Variants in FAAH2 observed in about 807,000 individuals in gnomAD.
FAAH2 encodes fatty acid amide hydrolase 2.
FAAH2 carries 60 observed loss-of-function variants against 36.9 expected under a neutral mutation model. The ratio of observed to expected loss-of-function variants is 1.63; its 90% CI spans 1.32 to 2.02. The LOEUF (loss-of-function observed/expected upper bound fraction) is 2.02, where lower values mean the gene tolerates loss of function less well. FAAH2 is among the 30% of genes most tolerant of loss of function. FAAH2 has a pLI of 0.00. For synonymous variants in FAAH2, 214 were observed against 143.8 expected, an observed-to-expected ratio of 1.49 and a Z score of -3.49; for missense variants, 689 against 397.5, an observed-to-expected ratio of 1.73 and a Z score of -6.23.
intron 8 of FAAH2, among the ~76,000 whole-genome samples, chrX:57,443,297 G>A (rs544710279): frequency 1.8e-5 from 2 of 111,524 alleles, no homozygotes; most frequent in Non-Finnish European, 3.8e-5. Context: ...TTTCTTGGAG[G>A]CTTTGTTCAT....
At chrX:57,242,877 C>A in the FAAH2 span, among the ~76,000 whole-genome samples, 1 of 111,811 alleles carries the variant, frequency 8.9e-6, no homozygotes, top group East Asian at 2.8e-4. Context: ...CTTTTCGTAA[C>A]CTAGTGACGC....
intron 8 of FAAH2, among the ~76,000 whole-genome samples, chrX:57,436,353 G>T (rs75011232): frequency 4.4e-4 from 47 of 107,968 alleles, no homozygotes; most frequent in African/African-American, 1.5e-3. Flanking sequence ...AGAAGAAAAT[G>T]AGTTAAAAAA....
intron 10 of FAAH2, among the ~76,000 whole-genome samples, chrX:57,477,568 C>T (rs895340366): frequency 9.0e-6 from 1 of 110,722 alleles, no homozygotes; most frequent in African/African-American, 3.3e-5. Context: ...TATACATTTG[C>T]CATGTTGGTG....
intron 7 of FAAH2, chrX:57,394,360 G>T (rs1236682049): frequency 8.5e-7 from 1 of 1,182,016 alleles, no homozygotes; most frequent in South Asian, 1.8e-5. Flanking sequence ...GGTGCTTCAG[G>T]CGTTCTAGTG....
intron 8 of FAAH2, among the ~76,000 whole-genome samples, 167 bp from the exon 9 acceptor site, chrX:57,446,761 G>A: frequency 8.9e-6 from 1 of 111,742 alleles, no homozygotes; most frequent in East Asian, 2.8e-4. Flanking sequence ...CACTTACTTT[G>A]TGTGACTGAG....
intron 10 of FAAH2, among the ~76,000 whole-genome samples, chrX:57,461,004 A>T (rs2056948254): frequency 9.0e-6 from 1 of 111,392 alleles, no homozygotes; most frequent in African/African-American, 3.3e-5. Context: ...TTTCAATCCT[A>T]GTCTCTGATA....
intron 3 of FAAH2, among the ~76,000 whole-genome samples, chrX:57,327,090 C>T (rs994951067): frequency 9.2e-6 from 1 of 108,528 alleles, no homozygotes; most frequent in Non-Finnish European, 1.9e-5. Flanking sequence ...ATTTCTCCTG[C>T]ACTTATGAAG....
the FAAH2 span, among the ~76,000 whole-genome samples, chrX:57,162,816 G>A: frequency 4.0e-4 from 45 of 112,005 alleles, no homozygotes; most frequent in African/African-American, 1.2e-3. Flanking sequence ...ATGTCCTCCC[G>A]TAGCTCAGAG....
At chrX:57,157,946 C>A in the FAAH2 span, among the ~76,000 whole-genome samples, 1 of 109,893 alleles carries the variant, frequency 9.1e-6, no homozygotes, top group African/African-American at 3.3e-5. Flanking sequence ...TGTGCTGCAC[C>A]CATTAACTCA....
chrX:57,427,890 G>A (rs1351319408), intron 7 of FAAH2, among the ~76,000 whole-genome samples: 1 of 111,376 alleles, frequency 9.0e-6, no homozygotes, highest in Non-Finnish European at 1.9e-5. Context: ...CGTAATACTG[G>A]CAATTGTAGC....
intron 5 of FAAH2, among the ~76,000 whole-genome samples, chrX:57,343,665 A>G (rs773537838): frequency 9.0e-6 from 1 of 111,345 alleles, no homozygotes; most frequent in Non-Finnish European, 1.9e-5. Context: ...TTGCTTTTGG[A>G]GACTTAGCCA....
the FAAH2 span, among the ~76,000 whole-genome samples, chrX:57,142,460 G>A: frequency 8.9e-6 from 1 of 112,073 alleles, no homozygotes; most frequent in Non-Finnish European, 1.9e-5. Context: ...ATTGTAGTTA[G>A]AAAAGATACT....
chrX:57,282,893 C>G (rs1047414949), upstream of FAAH2, among the ~76,000 whole-genome samples: 1 of 112,371 alleles, frequency 8.9e-6, no homozygotes, highest in African/African-American at 3.2e-5. Context: ...GCGAGCTGTA[C>G]AGCACAACCT....
intron 8 of FAAH2, among the ~76,000 whole-genome samples, chrX:57,436,493 GA>G (rs1357391179): frequency 1.6e-4 from 18 of 109,888 alleles, no homozygotes; most frequent in African/African-American, 4.9e-4. Context: ...GATTAATCAT[GA>G]AAAAAAGAGA....
At chrX:57,136,204 C>A in the FAAH2 span, 1 of 1,210,889 alleles carries the variant, frequency 8.3e-7, no homozygotes, top group African/African-American at 1.7e-5. Context: ...TGTTCCACTG[C>A]TTTGCCAATT....
chrX:57,312,923 G>C (rs1479413492), intron 3 of FAAH2, among the ~76,000 whole-genome samples: 1 of 111,584 alleles, frequency 9.0e-6, no homozygotes, highest in Non-Finnish European at 1.9e-5. Context: ...TTCAGAATCT[G>C]GGTGTCAATG....
chrX:57,442,570 C>T (rs1326946359), intron 8 of FAAH2, among the ~76,000 whole-genome samples: 2 of 111,855 alleles, frequency 1.8e-5, no homozygotes, highest in Non-Finnish European at 3.8e-5. Flanking sequence ...TCCAATTTGC[C>T]AGTCTGTGTC....
At chrX:57,300,587 A>G (rs1420166499) in intron 2 of FAAH2, among the ~76,000 whole-genome samples, 1 of 112,100 alleles carries the variant, frequency 8.9e-6, no homozygotes, top group African/African-American at 3.2e-5. Flanking sequence ...AGCAATAGCA[A>G]CAAAAGCCAA....
At chrX:57,326,431 C>G (rs1456552072) in intron 3 of FAAH2, among the ~76,000 whole-genome samples, 3 of 114,323 alleles carry the variant, frequency 2.6e-5, no homozygotes, top group Non-Finnish European at 5.6e-5. Flanking sequence ...CTAATGTTGA[C>G]AGTGGGGTGT....
Sources: gnomAD v4.1 joint callset for allele counts (sites outside exome capture counted in the v4.1 genomes callset) on GRCh38, gnomAD v4.1.1 for gene constraint, MANE v1.5 for transcripts, NCBI Gene and HGNC (gene_info 2026-07-23, HGNC 2026-07-21) for gene names.